DIS3L2: variants seen among roughly 807,000 people sequenced by gnomAD.
The protein encoded by DIS3L2 is DIS3-like exonuclease 2.
Under a neutral mutation model 97.5 loss-of-function variants are expected in DIS3L2, and 34 were observed. The observed-to-expected ratio is 0.35, with a 90% CI of 0.27 to 0.46. DIS3L2 has a LOEUF of 0.46. Among genes scored for constraint, DIS3L2 ranks in the 20% least tolerant of loss-of-function variants. The pLI, the probability that DIS3L2 is intolerant of heterozygous loss-of-function variation, is 1.00. For synonymous variants in DIS3L2, 435 were observed against 445.2 expected (o/e 0.98, Z 0.29); for missense variants, 1,038 against 1,146.0 (o/e 0.91, Z 1.36).
intron 6 of DIS3L2, among the ~76,000 whole-genome samples, chr2:232,099,627 G>T (rs1297201722): frequency 6.6e-6 from 1 of 152,214 alleles, no homozygotes; most frequent in Non-Finnish European, 1.5e-5. Context: ...GTTTCTGAGA[G>T]TTTACTGTTT....
chr2:232,105,792 C>G (rs755237666), intron 6 of DIS3L2, among the ~76,000 whole-genome samples: 1 of 152,138 alleles, frequency 6.6e-6, no homozygotes, highest in Admixed American at 6.5e-5. Context: ...TTCCCAGGCT[C>G]CCAACATGTC....
intron 1 of DIS3L2, among the ~76,000 whole-genome samples, chr2:231,997,683 TAAAAG>T (rs967323250): frequency 6.6e-6 from 1 of 152,230 alleles, no homozygotes; most frequent in African/African-American, 2.4e-5. Context: ...TTCAGACCGA[TAAAAG>T]AGACGAGAGA....
downstream of DIS3L2, chr2:232,341,094 A>G: frequency 2.7e-6 from 1 of 373,932 alleles, no homozygotes; most frequent in Non-Finnish European, 5.2e-6. Flanking sequence ...CAGCGCCACT[A>G]GAGTAAAAAC....
intron 10 of DIS3L2, among the ~76,000 whole-genome samples, chr2:232,229,553 C>T (rs750367010): frequency 6.6e-6 from 1 of 152,194 alleles, no homozygotes. Flanking sequence ...GCGCCAGCCT[C>T]GCAAGTTCAG....
chr2:232,300,975 G>A (rs1219512612), intron 14 of DIS3L2, among the ~76,000 whole-genome samples: 1 of 150,138 alleles, frequency 6.7e-6, no homozygotes, highest in Non-Finnish European at 1.5e-5. Flanking sequence ...CCTTGACTGT[G>A]TATTTTCGTT....
Position 232,309,088 on chromosome 2 carries a change from G to A in DIS3L2, c.1739+8969G>A, listed in dbSNP as rs546235393. 1.6e-4 allele frequency among the ~76,000 whole-genome samples: 25 copies of A among 152,308 alleles called. 1 individual carries two copies. The South Asian group carries it at 4.8e-3, about 29-fold the overall frequency. On this transcript the variant is annotated intron_variant, in intron 14 of 20. Transcript: ENST00000325385. ...ACAGTATGCATCCCAGGGCTTTCCC[G>A]TGCTGGCATTATCACAGTGACTCAG...
chr2:232,220,160 T>TAAATAAGC (rs869175760), intron 10 of DIS3L2, among the ~76,000 whole-genome samples: 1 of 135,420 alleles, frequency 7.4e-6, no homozygotes, highest in African/African-American at 2.8e-5. Context: ...AATAAATAAA[T>TAAATAAGC]AAGCTGGGCA....
chr2:232,243,021 C>T (rs1342821063), intron 11 of DIS3L2, among the ~76,000 whole-genome samples: 1 of 152,196 alleles, frequency 6.6e-6, no homozygotes, highest in Non-Finnish European at 1.5e-5. Flanking sequence ...GTAGCAAACA[C>T]TTGCAATGCA....
rs1694137036 is a variant in DIS3L2, at chr2:232,276,282, T to G, written c.1659+12842T>G. On this transcript the variant is annotated intron_variant, in intron 13 of 20. Coordinates refer to ENST00000325385, the MANE Select transcript of DIS3L2 (RefSeq NM_152383.5). The surrounding 1 kb of genome is among the most constrained non-coding windows in gnomAD (Gnocchi z 4.4). ...GCCATTAGGCAGTTTGAAACTGATTTGCTACTGTCAGTTTCGACCCGTAAA... is the reference window on the plus strand; with the variant it reads ...GCCATTAGGCAGTTTGAAACTGATTGGCTACTGTCAGTTTCGACCCGTAAA... Among the ~76,000 whole-genome samples the G allele has an allele frequency of 6.6e-6, 1 of 152,222 alleles. No homozygotes were observed. Among genetic ancestry groups the G allele is most frequent in the Non-Finnish European group, 1.5e-5 (1 of 68,038 alleles).
At chr2:232,192,943 C>T (rs1466220857) in intron 9 of DIS3L2, among the ~76,000 whole-genome samples, 1 of 152,132 alleles carries the variant, frequency 6.6e-6, no homozygotes. Context: ...TCCTCTCTGC[C>T]TCTCCTACTT....
intron 9 of DIS3L2, among the ~76,000 whole-genome samples, chr2:232,206,419 T>C (rs1246374711): frequency 6.6e-6 from 1 of 152,272 alleles, no homozygotes; most frequent in African/African-American, 2.4e-5. Flanking sequence ...TCACAACTGG[T>C]CAACACTGCC....
intron 1 of DIS3L2, among the ~76,000 whole-genome samples, chr2:232,001,238 A>C (rs1340044089): frequency 6.6e-6 from 1 of 152,172 alleles, no homozygotes; most frequent in Admixed American, 6.5e-5. Flanking sequence ...GTTTTCGATA[A>C]TAGCCATTCT....
intron 1 of DIS3L2, among the ~76,000 whole-genome samples, chr2:231,970,909 A>G (rs1349894886): frequency 6.6e-6 from 1 of 152,226 alleles, no homozygotes; most frequent in Non-Finnish European, 1.5e-5. Context: ...TCCTTATTCT[A>G]TAAACTTTTT....
rs1694649307 is a variant in DIS3L2 at position 232,293,382 on chromosome 2, A to G, written c.1660-6658A>G. Reference sequence around the variant, plus strand: ...ACCGATTGCCCAGGAGACCTGGTGAAGCCACCCTTGGATTCTCTGGGGGAA... The same window carrying G: ...ACCGATTGCCCAGGAGACCTGGTGAGGCCACCCTTGGATTCTCTGGGGGAA... On this transcript the variant is annotated intron_variant, in intron 13 of 20. Transcript: ENST00000325385. This position sits in a 1 kb window ranked among gnomAD's most constrained non-coding sequence, Gnocchi z 4.6. 6.6e-6 allele frequency among the ~76,000 whole-genome samples: 1 copy of G among 152,230 alleles called. No individual in the cohort carries two copies. Among genetic ancestry groups the G allele is most frequent in the South Asian group, 2.1e-4 (1 of 4,832 alleles).
chr2:232,252,924 G>A (rs141278607), intron 12 of DIS3L2, among the ~76,000 whole-genome samples: 1 of 152,236 alleles, frequency 6.6e-6, no homozygotes, highest in African/African-American at 2.4e-5. Context: ...AACATAATGA[G>A]ACCTTGTGTG....
chr2:231,970,212 T>C (rs1692857975), intron 1 of DIS3L2, among the ~76,000 whole-genome samples: 1 of 152,184 alleles, frequency 6.6e-6, no homozygotes. Flanking sequence ...CCTCTTAAAG[T>C]GTTGGGATTA....
intron 15 of DIS3L2, 70 bp from the exon 16 acceptor site, chr2:232,330,620 G>C: frequency 6.6e-7 from 1 of 1,522,288 alleles, no homozygotes; most frequent in Non-Finnish European, 9.1e-7. Context: ...GTGCTCAGCG[G>C]ATGACAGGGC....
intron 5 of DIS3L2, among the ~76,000 whole-genome samples, chr2:232,065,779 G>A (rs1295689357): frequency 6.6e-6 from 1 of 151,872 alleles, no homozygotes; most frequent in Non-Finnish European, 1.5e-5. Flanking sequence ...GATTGGAGTT[G>A]TCTAATCCAT....
intron 12 of DIS3L2, among the ~76,000 whole-genome samples, chr2:232,250,425 A>T (rs570590104): frequency 6.6e-6 from 1 of 152,056 alleles, no homozygotes; most frequent in Admixed American, 6.6e-5. Flanking sequence ...TGGGTAGCAG[A>T]TGGATGAGTG....
Sources: allele counts gnomAD v4.1 joint callset (sites outside exome capture counted in the v4.1 genomes callset), GRCh38; gene constraint gnomAD v4.1.1; non-coding constraint Gnocchi (gnomAD v3.1); transcripts MANE v1.5; gene names NCBI Gene and HGNC (gene_info 2026-07-23, HGNC 2026-07-21).